The following OR2L13 variants were observed in gnomAD, a reference collection of about 807,000 sequenced individuals.
The protein encoded by OR2L13 is olfactory receptor 2L13.
In OR2L13, 14 loss-of-function variants were observed where a neutral mutation model predicts 15.3. That is an observed-to-expected ratio of 0.91 (90% confidence interval 0.60 to 1.43). The LOEUF (loss-of-function observed/expected upper bound fraction) is 1.43. Ranked by LOEUF, OR2L13 falls within the 40% of genes most tolerant of loss-of-function variation. OR2L13 has a pLI of 0.00. For synonymous variants in OR2L13, 152 were observed against 142.9 expected (o/e 1.06, Z -0.45); for missense variants, 367 against 387.9 (o/e 0.95, Z 0.45).
chr1:248,019,242 T>A, the OR2L13 span, among the ~76,000 whole-genome samples: 1 of 152,226 alleles, frequency 6.6e-6, no homozygotes, highest in African/African-American at 2.4e-5. Flanking sequence ...GATGATTTTT[T>A]GACTTTAATA....
the OR2L13 span, among the ~76,000 whole-genome samples, chr1:247,947,288 CAG>C: frequency 6.6e-6 from 1 of 152,134 alleles, no homozygotes; most frequent in Non-Finnish European, 1.5e-5. Context: ...ATTTTAAAGT[CAG>C]TGTATTTATG....
chr1:247,985,533 A>C, the OR2L13 span, among the ~76,000 whole-genome samples: 14 of 152,174 alleles, frequency 9.2e-5, no homozygotes. Context: ...GATTGGTTCC[A>C]AGTCTTTGCT....
upstream of OR2L13, among the ~76,000 whole-genome samples, chr1:248,096,501 C>A (rs905557669): frequency 6.6e-6 from 1 of 152,138 alleles, no homozygotes; most frequent in South Asian, 2.1e-4. Context: ...AAAACATTTT[C>A]TCAGGGCGTG....
At chr1:248,038,111 T>C in the OR2L13 span, 76 of 561,982 alleles carry the variant, frequency 1.4e-4, no homozygotes, top group East Asian at 1.8e-3. Flanking sequence ...ATAATATGCA[T>C]TTATGGATAT....
At chr1:247,938,637 T>C in the OR2L13 span, among the ~76,000 whole-genome samples, 1 of 152,052 alleles carries the variant, frequency 6.6e-6, no homozygotes, top group African/African-American at 2.4e-5. Context: ...TTCATGTAAA[T>C]AAACATGCCC....
At chr1:247,968,421 TGC>T in the OR2L13 span, among the ~76,000 whole-genome samples, 1 of 152,122 alleles carries the variant, frequency 6.6e-6, no homozygotes, top group South Asian at 2.1e-4. Context: ...GGTATACATA[TGC>T]CATGTTGGTT....
chr1:248,026,562 T>G, the OR2L13 span, among the ~76,000 whole-genome samples: 1 of 152,228 alleles, frequency 6.6e-6, no homozygotes, highest in African/African-American at 2.4e-5. Flanking sequence ...AGAAAAATAC[T>G]GCATGATCTC....
the OR2L13 span, among the ~76,000 whole-genome samples, chr1:248,053,485 G>A: frequency 2.2e-4 from 34 of 152,258 alleles, no homozygotes; most frequent in Admixed American, 3.3e-4. Flanking sequence ...CGGGAATGCC[G>A]GATCAAATGG....
the OR2L13 span, among the ~76,000 whole-genome samples, chr1:248,073,573 A>G: frequency 6.6e-6 from 1 of 151,956 alleles, no homozygotes; most frequent in East Asian, 1.9e-4. Context: ...ACATTTATAC[A>G]TATGTAACTA....
chr1:248,061,846 A>C, the OR2L13 span: 1 of 386,612 alleles, frequency 2.6e-6, no homozygotes. Flanking sequence ...GAAAGCACCT[A>C]CTTTTACTAA....
the OR2L13 span, among the ~76,000 whole-genome samples, chr1:247,946,614 C>G: frequency 6.6e-6 from 1 of 152,164 alleles, no homozygotes; most frequent in East Asian, 1.9e-4. Flanking sequence ...CAGTTTTTCC[C>G]CATATTTGCC....
At chr1:248,009,216 C>CA in the OR2L13 span, among the ~76,000 whole-genome samples, 4 of 151,658 alleles carry the variant, frequency 2.6e-5, no homozygotes, top group Admixed American at 6.6e-5. Context: ...AAAAATCCTT[C>CA]AAAAAATCAA....
chr1:247,943,720 A>C, the OR2L13 span, among the ~76,000 whole-genome samples: 58 of 152,246 alleles, frequency 3.8e-4, no homozygotes, highest in African/African-American at 1.3e-3. Flanking sequence ...TGGTTTTTTC[A>C]GGGTGAAACT....
At chr1:248,068,348 G>A in the OR2L13 span, among the ~76,000 whole-genome samples, 25 of 152,170 alleles carry the variant, frequency 1.6e-4, no homozygotes, top group African/African-American at 5.3e-4. Flanking sequence ...ATGAAAATCC[G>A]CTGTTCTGCA....
chr1:248,003,774 G>A, the OR2L13 span: 5 of 1,613,890 alleles, frequency 3.1e-6, no homozygotes, highest in Non-Finnish European at 4.2e-6. Flanking sequence ...GCTATTTCAT[G>A]TTCCTATGGC....
At chr1:247,990,282 C>CA in the OR2L13 span, 1 of 981,094 alleles carries the variant, frequency 1.0e-6, no homozygotes, top group Non-Finnish European at 1.6e-6. Flanking sequence ...AAATTACAAT[C>CA]AAACATCAAC....
At chr1:247,965,978 T>C in the OR2L13 span, 1 of 1,610,544 alleles carries the variant, frequency 6.2e-7, no homozygotes, top group South Asian at 1.1e-5. Flanking sequence ...ACAGTCCTCC[T>C]GAGTGGACTT....
the OR2L13 span, among the ~76,000 whole-genome samples, chr1:247,988,379 C>T: frequency 6.6e-6 from 1 of 151,730 alleles, no homozygotes; most frequent in Admixed American, 6.6e-5. Context: ...TTTATCGTTA[C>T]CTGTCACATC....
chr1:248,039,321 GAA>G, the OR2L13 span: 12,449 of 816,782 alleles, frequency 0.015, 978 homozygotes, highest in African/African-American at 0.21. Context: ...TAATCTAGAA[GAA>G]ATTTGTCTTT....
Sources: gnomAD v4.1 joint callset for allele counts (sites outside exome capture counted in the v4.1 genomes callset) on GRCh38, gnomAD v4.1.1 for gene constraint, MANE v1.5 for transcripts, NCBI Gene and HGNC (gene_info 2026-07-23, HGNC 2026-07-21) for gene names.